Variants in COQ8A observed in about 807,000 individuals in gnomAD.
COQ8A encodes the protein atypical kinase COQ8A, mitochondrial.
Under a neutral mutation model 65.0 loss-of-function variants are expected in COQ8A, and 51 were observed. The ratio of observed to expected loss-of-function variants is 0.78; its 90% CI spans 0.63 to 0.99. COQ8A has a LOEUF of 0.99. Among genes scored for constraint, COQ8A ranks in the 50% least tolerant of loss-of-function variants. COQ8A has a pLI of 0.00. For synonymous variants in COQ8A, 371 were observed against 353.2 expected (o/e 1.05, Z -0.57); for missense variants, 940 against 875.0 (o/e 1.07, Z -0.94).
intron 1 of COQ8A, among the ~76,000 whole-genome samples, chr1:226,953,669 C>T (rs1053755890): frequency 3.3e-5 from 5 of 152,170 alleles, no homozygotes; most frequent in African/African-American, 1.2e-4. Context: ...TTCCCTCTTT[C>T]TCATCTCCTG....
chr1:226,980,065 C>T (rs1257026001), intron 5 of COQ8A, among the ~76,000 whole-genome samples: 5 of 152,286 alleles, frequency 3.3e-5, no homozygotes, highest in African/African-American at 1.2e-4. Context: ...GAGGGGGACC[C>T]GAGGCTTAGG....
intron 1 of COQ8A, among the ~76,000 whole-genome samples, chr1:226,960,337 ACTTGGTGGTGGTGGTGGTGGTG>A (rs2148045804): frequency 4.0e-5 from 1 of 25,060 alleles, no homozygotes; most frequent in African/African-American, 1.8e-4. Context: ...TATCAGTGGT[ACTTGGTGGTGGTGGTGGTGGTG>A]CTTGGTGGTG....
chr1:226,957,371 C>T (rs1385655594), intron 1 of COQ8A, among the ~76,000 whole-genome samples: 1 of 140,672 alleles, frequency 7.1e-6, no homozygotes, highest in African/African-American at 2.6e-5. Flanking sequence ...CCAGTCATGT[C>T]TAGGCTTTGG....
chr1:226,953,820 G>A (rs1222152584), intron 1 of COQ8A, among the ~76,000 whole-genome samples: 6 of 152,258 alleles, frequency 3.9e-5, no homozygotes, highest in Non-Finnish European at 7.3e-5. Context: ...GCTCCCTGGT[G>A]TGTGATCATA....
chr1:226,962,796 C>G (rs568864335), intron 2 of COQ8A, among the ~76,000 whole-genome samples: 1 of 152,236 alleles, frequency 6.6e-6, no homozygotes, highest in African/African-American at 2.4e-5. Flanking sequence ...TGCTCTCCCC[C>G]GAGCCTCACC....
chr1:226,940,310 C>G lies in COQ8A; in HGVS notation c.-99C>G, dbSNP rs994842320. The G allele has an allele frequency of 1.8e-4, 27 of 152,324 alleles. No individual in the cohort carries two copies. Among genetic ancestry groups the G allele is most frequent in the African/African-American group, 6.0e-4 (25 of 41,420 alleles). The allele number at this position is 152,324 out of a possible 1,614,324, so 9.4% of individuals were successfully genotyped here. ...CGAGTTGGTAAACAGATCCGGAGCG[C>G]GTGGCGGGCGTCAGCGCGGTGGCCA... On this transcript the variant is annotated 5_prime_UTR_variant, in exon 1 of 15. Coordinates refer to ENST00000366777, the MANE Select transcript of COQ8A (RefSeq NM_020247.5).
chr1:226,970,752 C>T (rs897105977), intron 4 of COQ8A, among the ~76,000 whole-genome samples: 66 of 152,206 alleles, frequency 4.3e-4, no homozygotes, highest in African/African-American at 1.5e-3. Flanking sequence ...TATTAAACAC[C>T]ACAAGAATTA....
At chr1:226,954,215 C>T in intron 1 of COQ8A, among the ~76,000 whole-genome samples, 1 of 152,206 alleles carries the variant, frequency 6.6e-6, no homozygotes, top group South Asian at 2.1e-4. Context: ...CTTTTGATTT[C>T]CTTTTTCTGT....
At position 226,949,823 on chromosome 1, in the gene COQ8A, T is replaced by G. The variant is rs1453268401; in HGVS notation, c.-10+9424T>G. 1.3e-5 allele frequency among the ~76,000 whole-genome samples: 2 copies of G among 152,210 alleles called. No homozygotes were observed. The highest frequency in any genetic ancestry group is 2.9e-5 in the Non-Finnish European group (2 of 68,030). ...ACTATATGTCCTGAATGCTGTTACA[T>G]GGATTTATCCAGTCCTTTCAAGAAC... On this transcript the variant is annotated intron_variant, in intron 1 of 14. Transcript: ENST00000366777. This position sits in a 1 kb window ranked among gnomAD's most constrained non-coding sequence, Gnocchi z 4.0.
chr1:226,957,053 C>G (rs1657827474), intron 1 of COQ8A, among the ~76,000 whole-genome samples: 1 of 149,418 alleles, frequency 6.7e-6, no homozygotes, highest in African/African-American at 2.5e-5. Flanking sequence ...GGCTCCCACT[C>G]TCCCTGATTC....
chr1:226,980,090 C>T (rs372769430), intron 5 of COQ8A, among the ~76,000 whole-genome samples: 3 of 152,314 alleles, frequency 2.0e-5, no homozygotes, highest in East Asian at 3.9e-4. Flanking sequence ...AGTGGGGTGG[C>T]CCTGGGCAGC....
chr1:226,967,113 C>G (rs895413328), intron 4 of COQ8A, among the ~76,000 whole-genome samples: 15 of 152,184 alleles, frequency 9.9e-5, no homozygotes, highest in Admixed American at 2.0e-4. Flanking sequence ...GAATATCACA[C>G]CTCCCTGAGT....
chr1:226,975,558 ATT>A (rs1216816546), intron 4 of COQ8A, among the ~76,000 whole-genome samples: 1 of 152,264 alleles, frequency 6.6e-6, no homozygotes, highest in African/African-American at 2.4e-5. Context: ...ATTAGAATTC[ATT>A]TTGCATGTTT....
chr1:226,986,945 A>G lies in COQ8A; in HGVS notation c.*208A>G. On this transcript the variant is annotated 3_prime_UTR_variant, in exon 15 of 15. Coordinates refer to ENST00000366777, the MANE Select transcript of COQ8A (RefSeq NM_020247.5). ...AGTGCAAGAATGAAGATGAAGCCCC[A>G]CTGCTCGGTCAGTCTGCCTCCGTGT... is the stretch of plus-strand genomic sequence containing the variant. 3.2e-6 allele frequency: 2 copies of G among 632,786 alleles called. No homozygotes were observed. The highest frequency in any genetic ancestry group is 5.5e-6 in the Non-Finnish European group (2 of 365,864). The allele number at this position is 632,786 out of a possible 1,614,324, so 39.2% of individuals were successfully genotyped here. A position where few individuals can be genotyped will look rare whatever the true frequency, so the allele number is the denominator to read the frequency against.
intron 1 of COQ8A, among the ~76,000 whole-genome samples, chr1:226,954,937 A>G (rs1313012273): frequency 6.6e-6 from 1 of 152,114 alleles, no homozygotes; most frequent in Non-Finnish European, 1.5e-5. Flanking sequence ...AAGCCTTCCC[A>G]GAAGAGGTGA....
At chr1:226,965,510 G>T in intron 3 of COQ8A, 100 bp downstream of exon 3, 1 of 1,537,566 alleles carries the variant, frequency 6.5e-7, no homozygotes, top group South Asian at 1.2e-5. Flanking sequence ...GCTGTGGTCT[G>T]GGGTTTTTAG....
rs1658257273 is a variant in COQ8A, at chr1:226,961,568, G to T, written c.177+6G>T. The T allele has an allele frequency of 1.2e-6, 2 of 1,605,886 alleles. No homozygotes were observed. Among genetic ancestry groups the T allele is most frequent in the Admixed American group, 3.3e-5 (2 of 59,824 alleles). Reference sequence around the variant, plus strand: ...TGTTCTTGGGGAAGGTGCAGGTAAGGGGGCCTGGCAGTGGGAGGGGTGCTG... The same window carrying T: ...TGTTCTTGGGGAAGGTGCAGGTAAGTGGGCCTGGCAGTGGGAGGGGTGCTG... On this transcript the variant is annotated splice_donor_region_variant and intron_variant, in intron 2 of 14. Transcript: ENST00000366777.
At chr1:226,977,582 A>G in intron 5 of COQ8A, 59 bp downstream of exon 5, 1 of 1,511,660 alleles carries the variant, frequency 6.6e-7, no homozygotes, top group East Asian at 2.5e-5. Flanking sequence ...TGAGCCTGTC[A>G]GCCCCCAGCC....
chr1:226,971,512 G>A lies in COQ8A; in HGVS notation c.655+5775G>A, dbSNP rs889285550. Among the ~76,000 whole-genome samples, 15 of 151,808 alleles carry A rather than the reference G, an allele frequency of 9.9e-5. No individual in the cohort carries two copies. In the Middle Eastern group the frequency reaches 0.01, roughly 103 times the overall value. On this transcript the variant is annotated intron_variant, in intron 4 of 14. Transcript: ENST00000366777. ...GGTTGCAGTGAGCCAAGATGGCGGC[G>A]TTGCACTCCAGCCTGGATGACAGCT...
Sources: allele counts gnomAD v4.1 joint callset (sites outside exome capture counted in the v4.1 genomes callset), GRCh38; gene constraint gnomAD v4.1.1; non-coding constraint Gnocchi (gnomAD v3.1); transcripts MANE v1.5; gene names NCBI Gene and HGNC (gene_info 2026-07-23, HGNC 2026-07-21).